DOCK4: variants seen among roughly 807,000 people sequenced by gnomAD.
DOCK4 encodes dedicator of cytokinesis 4, also known as dedicator of cytokinesis protein 4.
A neutral mutation model predicts 268.1 loss-of-function variants in DOCK4; 97 were observed. That is an observed-to-expected ratio of 0.36 (90% CI 0.31 to 0.43). The LOEUF (loss-of-function observed/expected upper bound fraction) is 0.43, where lower values mean the gene tolerates loss of function less well. DOCK4 is among the 20% of genes least tolerant of loss of function. The probability of loss-of-function intolerance (pLI) is 1.00; values close to 1 mark genes in which losing one functional copy is unlikely to be tolerated. For synonymous variants in DOCK4, 954 were observed against 887.2 expected, an observed-to-expected ratio of 1.08 and a Z score of -1.34; for missense variants, 2,145 against 2,455.7, an observed-to-expected ratio of 0.87 and a Z score of 2.67.
intron 1 of DOCK4, among the ~76,000 whole-genome samples, chr7:112,012,306 A>T (rs1801402418): frequency 6.6e-6 from 1 of 152,148 alleles, no homozygotes. Context: ...CCTCAAGAGG[A>T]AAAAAAGCTG....
chr7:111,820,071 A>G (rs1321487452), intron 27 of DOCK4: 2 of 152,240 alleles, frequency 1.3e-5, no homozygotes, highest in Non-Finnish European at 2.9e-5. Flanking sequence ...TTTTTCATAG[A>G]TAAAGCACAA....
intron 1 of DOCK4, among the ~76,000 whole-genome samples, chr7:112,180,695 T>C (rs1219025219): frequency 6.6e-6 from 1 of 152,196 alleles, no homozygotes; most frequent in Non-Finnish European, 1.5e-5. Context: ...GATGATGGCA[T>C]CCTTCTTTTG....
At chr7:112,096,777 T>TCCCA (rs1810182663) in intron 1 of DOCK4, among the ~76,000 whole-genome samples, 1 of 152,032 alleles carries the variant, frequency 6.6e-6, no homozygotes, top group African/African-American at 2.4e-5. Context: ...TTAGTAAAGG[T>TCCCA]CCCAGTGAGA....
At chr7:112,119,496 T>C (rs894429653) in intron 1 of DOCK4, among the ~76,000 whole-genome samples, 5 of 152,206 alleles carry the variant, frequency 3.3e-5, no homozygotes, top group Non-Finnish European at 7.3e-5. Context: ...CTCTGACACA[T>C]TAATATTGGC....
At chr7:112,172,212 G>C (rs1818147945) in intron 1 of DOCK4, among the ~76,000 whole-genome samples, 1 of 150,584 alleles carries the variant, frequency 6.6e-6, no homozygotes, top group Non-Finnish European at 1.5e-5. Context: ...TGTGCATTTT[G>C]GGATTCTTAA....
intron 23 of DOCK4, among the ~76,000 whole-genome samples, chr7:111,851,444 C>CAA (rs71524820): frequency 0.073 from 5,312 of 72,640 alleles, 187 homozygotes; most frequent in Middle Eastern, 0.14. Flanking sequence ...GACTCCATCT[C>CAA]AAAAAAAAAA....
chr7:112,129,115 G>C (rs1208495104), intron 1 of DOCK4, among the ~76,000 whole-genome samples: 1 of 152,144 alleles, frequency 6.6e-6, no homozygotes, highest in Non-Finnish European at 1.5e-5. Context: ...GTTCTTAGCA[G>C]CTTTATTTTT....
At chr7:112,146,185 T>C (rs1056670962) in intron 1 of DOCK4, among the ~76,000 whole-genome samples, 5 of 152,198 alleles carry the variant, frequency 3.3e-5, no homozygotes, top group African/African-American at 1.2e-4. Flanking sequence ...GGCTGGGTCT[T>C]AAATGCTTTG....
chr7:112,096,951 C>G (rs891299317), intron 1 of DOCK4, among the ~76,000 whole-genome samples: 1 of 152,172 alleles, frequency 6.6e-6, no homozygotes, highest in African/African-American at 2.4e-5. Flanking sequence ...GGCAGAACTT[C>G]TGTCTCTAGA....
rs541424194 is a variant in DOCK4 at position 112,133,814 on chromosome 7, GA to G, written c.37+72287del. Among the ~76,000 whole-genome samples, 27 of 152,360 alleles carry G rather than the reference GA, an allele frequency of 1.8e-4. No individual in the cohort carries two copies. In the South Asian group the frequency reaches 5.4e-3, roughly 30 times the overall value. ...AAGGACAAAGACTGCTTCTTTGGAA[GA>G]GTGCTGTATACAGGTAGGTGGTTAT... On this transcript the variant is annotated intron_variant, in intron 1 of 52. Transcript: ENST00000428084.
chr7:112,204,108 G>A (rs948241300), intron 1 of DOCK4, among the ~76,000 whole-genome samples: 1 of 151,974 alleles, frequency 6.6e-6, no homozygotes, highest in Admixed American at 6.6e-5. Context: ...CAAAACCGAG[G>A]TGTCTGCTGC....
intron 42 of DOCK4, among the ~76,000 whole-genome samples, chr7:111,751,300 A>T (rs1368803845): frequency 6.6e-6 from 1 of 152,218 alleles, no homozygotes; most frequent in Non-Finnish European, 1.5e-5. Context: ...CAGGATAAAC[A>T]GTCTTTAGTT....
intron 1 of DOCK4, among the ~76,000 whole-genome samples, chr7:112,029,090 A>G (rs1192900022): frequency 6.6e-6 from 1 of 152,156 alleles, no homozygotes; most frequent in Non-Finnish European, 1.5e-5. Flanking sequence ...TGAAAAATCC[A>G]TCACTTAGTT....
intron 23 of DOCK4, among the ~76,000 whole-genome samples, chr7:111,850,458 CA>C (rs768485252): frequency 4.6e-5 from 7 of 152,152 alleles, no homozygotes; most frequent in Non-Finnish European, 1.0e-4. Flanking sequence ...CCACACCTAT[CA>C]CCATGACCCT....
At chr7:112,122,253 T>A (rs926558204) in intron 1 of DOCK4, among the ~76,000 whole-genome samples, 2 of 152,132 alleles carry the variant, frequency 1.3e-5, no homozygotes, top group African/African-American at 4.8e-5. Context: ...AGTATATTCA[T>A]ATTGTTGTAA....
At chr7:111,781,997 C>T (rs1798814035) in intron 35 of DOCK4, among the ~76,000 whole-genome samples, 1 of 152,074 alleles carries the variant, frequency 6.6e-6, no homozygotes, top group Non-Finnish European at 1.5e-5. Flanking sequence ...ATTTATTCTA[C>T]AAAATATAAG....
chr7:111,814,458 G>A (rs2133927121), intron 27 of DOCK4, among the ~76,000 whole-genome samples: 1 of 152,228 alleles, frequency 6.6e-6, no homozygotes, highest in East Asian at 1.9e-4. Context: ...TTCTTATGGT[G>A]TACCCGGAGC....
At chr7:111,746,258 C>T (rs960813091) in intron 44 of DOCK4, 76 bp downstream of exon 44, 3 of 1,184,758 alleles carry the variant, frequency 2.5e-6, no homozygotes, top group Non-Finnish European at 3.7e-6. Context: ...ATGCAGGAAA[C>T]CATGCAGAGG....
chr7:111,741,554 T>C lies in DOCK4; in HGVS notation c.4905A>G (p.Val1635=). 1 of 1,613,212 alleles carries C rather than the reference T, an allele frequency of 6.2e-7. No homozygotes were observed. The highest frequency in any genetic ancestry group is 8.5e-7 in the Non-Finnish European group (1 of 1,179,610). ...PASVSPDGTR[V]IPRRSPLSYP... ...ATATGACTTACCTGCGTCTAGGAAT[T>C]ACCCTGGTACCATCTGGGCTCACAG... Residue 1635 remains valine (V), a synonymous_variant, in exon 46 of 53, where the codon GTA becomes GTG. Transcript: ENST00000428084.
Sources: allele counts gnomAD v4.1 joint callset (sites outside exome capture counted in the v4.1 genomes callset), GRCh38; gene constraint gnomAD v4.1.1; transcripts MANE v1.5; gene names NCBI Gene and HGNC (gene_info 2026-07-23, HGNC 2026-07-21).